FHAD1: variants seen among roughly 807,000 people sequenced by gnomAD.
FHAD1 encodes the protein forkhead-associated domain-containing protein 1.
Under a neutral mutation model 191.3 loss-of-function variants are expected in FHAD1, and 146 were observed. The ratio of observed to expected loss-of-function variants is 0.76; its 90% confidence interval spans 0.67 to 0.88. The LOEUF (loss-of-function observed/expected upper bound fraction) is 0.88, where lower values mean the gene tolerates loss of function less well. FHAD1 is among the 40% of genes least tolerant of loss of function. FHAD1 has a pLI of 0.00. For missense variants in FHAD1, 1,635 were observed against 1,785.8 expected (o/e 0.92, Z 1.52); for synonymous variants, 616 against 672.3 (o/e 0.92, Z 1.29).
chr1:15,387,712 C>T (rs1243860336), intron 31 of FHAD1, among the ~76,000 whole-genome samples: 3 of 151,942 alleles, frequency 2.0e-5, no homozygotes, highest in Non-Finnish European at 2.9e-5. Flanking sequence ...GGCAAAAACC[C>T]GTCTCTACTA....
In FHAD1 at chr1:15,345,428, A is replaced by G; in HGVS notation, c.2251A>G (p.Ser751Gly). 13 of 1,552,362 alleles carry G rather than the reference A, an allele frequency of 8.4e-6. No individual in the cohort carries two copies. Among genetic ancestry groups the G allele is most frequent in the Non-Finnish European group, 9.6e-6 (11 of 1,147,122 alleles). Residue 751 changes from serine to glycine, a missense_variant, in exon 18 of 34, where the codon AGC (serine) becomes GGC (glycine). Ser to Gly is a moderately conservative substitution (Grantham distance 56, BLOSUM62 0). Coordinates refer to ENST00000688493, the MANE Select transcript of FHAD1 (RefSeq NM_001391957.1). ...LAQQKKALAK[S>G]ITQEKNRVKE... is the part of the protein sequence containing the mutation. ...ATCGTTGACTCAGGCTTTGGCGAAA[A>G]GCATTACCCAGGAGAAGAACAGAGT...
In FHAD1 at chr1:15,318,607, C is replaced by A. The variant is rs1336795933; in HGVS notation, c.1365+679C>A. On this transcript the variant is annotated intron_variant, in intron 10 of 33. Transcript: ENST00000688493. The surrounding 1 kb of genome is among the most constrained non-coding windows in gnomAD (Gnocchi z 4.1). The stretch of plus-strand genomic sequence containing the variant: ...TGAGATCGTGCCACCGCACTCCAGC[C>A]TGGGCGACAGAGCAAGACTCCGTCT... Among the ~76,000 whole-genome samples, 1 of 152,014 alleles carries A rather than the reference C, an allele frequency of 6.6e-6. No homozygotes were observed. The highest frequency in any genetic ancestry group is 2.4e-5 in the African/African-American group (1 of 41,450).
intron 28 of FHAD1, among the ~76,000 whole-genome samples, chr1:15,376,121 GCT>G (rs1699590791): frequency 7.2e-6 from 1 of 139,438 alleles, no homozygotes; most frequent in African/African-American, 2.8e-5. Context: ...ACAGAGTCTC[GCT>G]CTGTCACCCA....
intron 31 of FHAD1, among the ~76,000 whole-genome samples, chr1:15,387,307 T>C (rs79404165): frequency 0.033 from 5,017 of 152,250 alleles, 260 homozygotes; most frequent in African/African-American, 0.11. Flanking sequence ...AGCACCACTA[T>C]GTGTTTTTGA....
chr1:15,387,540 G>A (rs1048255033), intron 31 of FHAD1, among the ~76,000 whole-genome samples: 1 of 152,014 alleles, frequency 6.6e-6, no homozygotes, highest in Non-Finnish European at 1.5e-5. Flanking sequence ...CTTGAGGCCA[G>A]GAGTTTGAGA....
chr1:15,367,704 A>G, intron 25 of FHAD1, 82 bp downstream of exon 25: 1 of 1,154,378 alleles, frequency 8.7e-7, no homozygotes, highest in South Asian at 1.5e-5. Context: ...AGGGCTCAGT[A>G]CATGCTGCTT....
intron 11 of FHAD1, 124 bp from the exon 12 acceptor site, chr1:15,326,935 G>A (rs553519473): frequency 4.3e-5 from 27 of 626,000 alleles, no homozygotes; most frequent in East Asian, 3.9e-4. Context: ...CTGATAACGC[G>A]GAATGGTCAT....
Position 15,381,460 on chromosome 1 carries a change from G to A in FHAD1, c.4022+9G>A, listed in dbSNP as rs1046931276. ...GACGTTGAACAGCTCAGGTACCTCGGCACCCCCATGTCCCCACAGAAAGGC... is the reference window on the plus strand; with the variant it reads ...GACGTTGAACAGCTCAGGTACCTCGACACCCCCATGTCCCCACAGAAAGGC... On this transcript the variant is annotated intron_variant, in intron 30 of 33. Transcript: ENST00000688493. The surrounding 1 kb of genome is among the most constrained non-coding windows in gnomAD (Gnocchi z 4.6). The A allele has an allele frequency of 1.3e-6, 2 of 1,547,356 alleles. No individual in the cohort carries two copies. The highest frequency in any genetic ancestry group is 1.4e-5 in the African/African-American group (1 of 72,910).
At chr1:15,284,662 G>A (rs1661780981) in intron 3 of FHAD1, among the ~76,000 whole-genome samples, 3 of 152,110 alleles carry the variant, frequency 2.0e-5, no homozygotes, top group Admixed American at 6.5e-5. Context: ...CCTTGACAGG[G>A]TCAGAAGCAG....
intron 7 of FHAD1, among the ~76,000 whole-genome samples, chr1:15,309,660 AT>A (rs35053289): frequency 5.7e-4 from 83 of 146,836 alleles, no homozygotes; most frequent in Non-Finnish European, 6.8e-4. Context: ...ACATTATGAG[AT>A]TTTTTTTTTT....
At chr1:15,324,383 TAGAGG>T in intron 10 of FHAD1, 64 bp from the exon 11 acceptor site, 1 of 1,249,866 alleles carries the variant, frequency 8.0e-7, no homozygotes, top group Middle Eastern at 1.8e-4. Context: ...TTAGACATCC[TAGAGG>T]AATCTCCCCA....
intron 14 of FHAD1, 21 bp from the exon 15 acceptor site, chr1:15,339,460 T>A (rs1375108288): frequency 6.0e-6 from 7 of 1,166,198 alleles, no homozygotes; most frequent in Non-Finnish European, 7.9e-6. Flanking sequence ...CTTACATTCT[T>A]CCTGCTTCTC....
At position 15,325,653 on chromosome 1, in the gene FHAD1, C is replaced by A. The variant is rs1369385342; in HGVS notation, c.1473+1094C>A. 2.0e-5 allele frequency: 3 copies of A among 152,690 alleles called. No homozygotes were observed. The highest frequency in any genetic ancestry group is 4.1e-4 in the South Asian group (2 of 4,832). 9.5% of individuals were successfully genotyped at this position (152,690 alleles called of 1,614,324 possible). On this transcript the variant is annotated intron_variant, in intron 11 of 33. Transcript: ENST00000688493. This position sits in a 1 kb window ranked among gnomAD's most constrained non-coding sequence, Gnocchi z 4.6. ...TGCACATTGGCTACCCCCAATCTTC[C>A]CCCTAACACATACCTGATTTGAGGG... is the stretch of plus-strand genomic sequence containing the variant.
intron 11 of FHAD1, 124 bp downstream of exon 11, chr1:15,324,683 T>A (rs908805932): frequency 2.1e-5 from 15 of 702,506 alleles, no homozygotes; most frequent in Non-Finnish European, 3.6e-5. Flanking sequence ...AATTCTCCCA[T>A]TTATCTCATG....
intron 14 of FHAD1, among the ~76,000 whole-genome samples, chr1:15,336,399 T>C (rs1442573069): frequency 1.3e-5 from 2 of 152,106 alleles, no homozygotes; most frequent in Admixed American, 6.6e-5. Context: ...TCACTTCCTT[T>C]TTCTCTCTTG....
chr1:15,384,118 A>T, intron 31 of FHAD1: 1 of 181,074 alleles, frequency 5.5e-6, no homozygotes, highest in South Asian at 8.6e-5. Flanking sequence ...ACCCCCAGAG[A>T]AGGGTGCCCC....
Position 15,329,021 on chromosome 1 carries a change from GCAGGAAT to G in FHAD1, c.1711-324_1711-318del. The G allele has an allele frequency of 5.2e-6, 1 of 193,972 alleles. No homozygotes were observed. The highest frequency in any genetic ancestry group is 1.6e-4 in the South Asian group (1 of 6,440). The allele number at this position is 193,972 out of a possible 1,614,324, so 12.0% of individuals were successfully genotyped here. On this transcript the variant is annotated intron_variant, in intron 13 of 33. Coordinates refer to ENST00000688493, the MANE Select transcript of FHAD1 (RefSeq NM_001391957.1). The surrounding 1 kb of genome is among the most constrained non-coding windows in gnomAD (Gnocchi z 5.0). ...CCGACCAGCTTGTGTGTTGATCTTG[GCAGGAAT>G]TCTGACGAATGGAAAAAAGAAGTAG...
chr1:15,366,145 G>C (rs1045758554), intron 24 of FHAD1, among the ~76,000 whole-genome samples: 3 of 152,086 alleles, frequency 2.0e-5, no homozygotes, highest in African/African-American at 2.4e-5. Flanking sequence ...AATTAGCTGG[G>C]TGTGGTGGTG....
rs1212231609 is a variant in FHAD1 at position 15,289,770 on chromosome 1, A to G, written c.568+104A>G. On this transcript the variant is annotated intron_variant, in intron 4 of 33. Transcript: ENST00000688493. The surrounding 1 kb of genome is among the most constrained non-coding windows in gnomAD (Gnocchi z 4.2). ...TGATTCTAAAAGTAGAACATATTCA[A>G]TTGTAAAAAATGAAAATAAATTCAG... 12 of 1,403,726 alleles carry G rather than the reference A, an allele frequency of 8.5e-6. No homozygotes were observed. Among genetic ancestry groups the G allele is most frequent in the Middle Eastern group, 1.8e-4 (1 of 5,470 alleles). 87.0% of individuals were successfully genotyped at this position (1,403,726 alleles called of 1,614,324 possible).
Sources: allele counts gnomAD v4.1 joint callset (sites outside exome capture counted in the v4.1 genomes callset), GRCh38; gene constraint gnomAD v4.1.1; non-coding constraint Gnocchi (gnomAD v3.1); transcripts MANE v1.5; gene names NCBI Gene and HGNC (gene_info 2026-07-23, HGNC 2026-07-21).